FAM107B: variants seen among roughly 807,000 people sequenced by gnomAD.
FAM107B encodes protein FAM107B.
Under a neutral mutation model 31.5 loss-of-function variants are expected in FAM107B, and 21 were observed. That is an observed-to-expected ratio of 0.67 (90% CI 0.47 to 0.96). The LOEUF (loss-of-function observed/expected upper bound fraction) is 0.96, where lower values mean the gene tolerates loss of function less well. Ranked by LOEUF, FAM107B falls within the 40% of genes least tolerant of loss-of-function variation. The probability of loss-of-function intolerance (pLI) is 0.00; values close to 1 mark genes in which losing one functional copy is unlikely to be tolerated. For missense variants in FAM107B, 452 were observed against 377.1 expected (o/e 1.20, Z -1.64); for synonymous variants, 157 against 141.5 (o/e 1.11, Z -0.78).
At chr10:14,759,427 C>G (rs1391433967) in intron 1 of FAM107B, among the ~76,000 whole-genome samples, 1 of 152,182 alleles carries the variant, frequency 6.6e-6, no homozygotes, top group Non-Finnish European at 1.5e-5. Flanking sequence ...ACACCCATTT[C>G]TGGTCTGGTG....
intron 1 of FAM107B, chr10:14,723,653 C>T (rs769843314): frequency 5.4e-6 from 4 of 734,608 alleles, no homozygotes; most frequent in Middle Eastern, 3.7e-4. Flanking sequence ...GATTACTCTG[C>T]GAGAGGCTGG....
At chr10:14,721,327 G>A (rs1335547529) in intron 1 of FAM107B, among the ~76,000 whole-genome samples, 3 of 152,150 alleles carry the variant, frequency 2.0e-5, no homozygotes, top group African/African-American at 7.2e-5. Context: ...TGTCTTTATA[G>A]CAGCATGATT....
chr10:14,751,010 C>T (rs1448691869), intron 1 of FAM107B, among the ~76,000 whole-genome samples: 2 of 152,156 alleles, frequency 1.3e-5, no homozygotes, highest in Non-Finnish European at 2.9e-5. Flanking sequence ...CAATCAGGAG[C>T]AGACCTGCCC....
Position 14,654,177 on chromosome 10 carries a change from A to G in FAM107B, c.469+13457T>C, listed in dbSNP as rs555682947. Among the ~76,000 whole-genome samples, 252 of 152,018 alleles carry G rather than the reference A, an allele frequency of 1.7e-3. 1 individual carries two copies. Among genetic ancestry groups the G allele is most frequent in the African/African-American group, 5.0e-3 (208 of 41,478 alleles). ...TAGTTCTTACAATTTCTCAAGAGAA[A>G]TTGGAACCTAGATTTTTACATGAAA... is the stretch of plus-strand genomic sequence containing the variant. On this transcript the variant is annotated intron_variant, in intron 2 of 4. Coordinates refer to ENST00000181796, the MANE Select transcript of FAM107B (RefSeq NM_031453.4).
At chr10:14,580,882 T>C (rs565656781) in intron 2 of FAM107B, among the ~76,000 whole-genome samples, 1 of 152,334 alleles carries the variant, frequency 6.6e-6, no homozygotes, top group East Asian at 1.9e-4. Flanking sequence ...CCAGAGATCA[T>C]TTCCTTCTGT....
intron 1 of FAM107B, among the ~76,000 whole-genome samples, chr10:14,718,970 T>C (rs1855845889): frequency 2.6e-5 from 4 of 152,164 alleles, no homozygotes. Context: ...GGAAACAAGA[T>C]ACTCAAAGAG....
At chr10:14,606,861 A>G (rs1188668670) in intron 2 of FAM107B, among the ~76,000 whole-genome samples, 3 of 152,258 alleles carry the variant, frequency 2.0e-5, no homozygotes, top group Non-Finnish European at 4.4e-5. Flanking sequence ...TTGGACTTCC[A>G]GCCTTCAGAA....
At chr10:14,588,216 C>T (rs1851905746) in intron 2 of FAM107B, among the ~76,000 whole-genome samples, 1 of 151,890 alleles carries the variant, frequency 6.6e-6, no homozygotes, top group Non-Finnish European at 1.5e-5. Flanking sequence ...TGCGTGCAAG[C>T]TGTTCTGTTT....
rs376731840 is a variant in FAM107B, at chr10:14,774,340, C to G, written c.324G>C (p.Val108=). 5 of 1,614,114 alleles carry G rather than the reference C, an allele frequency of 3.1e-6. No homozygotes were observed. The African/African-American group carries it at 6.7e-5, about 22-fold the overall frequency. Residue 108 remains valine, a synonymous_variant, in exon 1 of 5, where the codon GTG becomes GTC. Transcript: ENST00000181796. The part of the protein sequence containing the change: ...AAQPAETPED[V]PGSLDDGADC... ...CCGCCCCATCATCCAGGGACCCGGGCACATCTTCAGGCGTCTCCGCGGGCT... is the reference window on the plus strand; with the variant it reads ...CCGCCCCATCATCCAGGGACCCGGGGACATCTTCAGGCGTCTCCGCGGGCT...
chr10:14,717,463 T>G (rs2131545326), intron 1 of FAM107B, among the ~76,000 whole-genome samples: 1 of 152,264 alleles, frequency 6.6e-6, no homozygotes. Context: ...AAGCGGACAG[T>G]GCAGCCCTAA....
At chr10:14,673,223 T>C (rs564434675) in intron 1 of FAM107B, among the ~76,000 whole-genome samples, 1 of 152,294 alleles carries the variant, frequency 6.6e-6, no homozygotes, top group African/African-American at 2.4e-5. Context: ...TATAGAACAC[T>C]AGAAACTATT....
intron 1 of FAM107B, among the ~76,000 whole-genome samples, chr10:14,709,765 G>A (rs745496873): frequency 3.3e-5 from 5 of 152,136 alleles, no homozygotes; most frequent in South Asian, 4.1e-4. Flanking sequence ...CAATCAACCC[G>A]TGAAAAGACA....
intron 2 of FAM107B, among the ~76,000 whole-genome samples, chr10:14,566,702 T>C (rs876653): frequency 0.26 from 40,212 of 152,200 alleles, 5,933 homozygotes; most frequent in Middle Eastern, 0.34. Flanking sequence ...AAGTAGAACA[T>C]GCTCTCAAAA....
intron 1 of FAM107B, among the ~76,000 whole-genome samples, chr10:14,668,899 G>A (rs1402314830): frequency 6.6e-6 from 1 of 152,118 alleles, no homozygotes; most frequent in African/African-American, 2.4e-5. Context: ...TGGGTGTAGG[G>A]TTCCATAAAT....
At chr10:14,705,700 C>A (rs1337964398) in intron 1 of FAM107B, among the ~76,000 whole-genome samples, 1 of 151,854 alleles carries the variant, frequency 6.6e-6, no homozygotes, top group South Asian at 2.1e-4. Context: ...TGATGGTTGC[C>A]AAGGGCTAGG....
At chr10:14,730,024 A>AC in intron 1 of FAM107B, among the ~76,000 whole-genome samples, 1 of 152,092 alleles carries the variant, frequency 6.6e-6, no homozygotes, top group East Asian at 1.9e-4. Flanking sequence ...AACATCACAC[A>AC]CTGAGGCCTG....
intron 1 of FAM107B, among the ~76,000 whole-genome samples, chr10:14,688,922 G>A (rs980120155): frequency 6.6e-6 from 1 of 152,230 alleles, no homozygotes; most frequent in Non-Finnish European, 1.5e-5. Context: ...TTTGGGACAA[G>A]GGGTCGATTC....
intron 2 of FAM107B, among the ~76,000 whole-genome samples, chr10:14,662,833 T>C (rs1854282091): frequency 6.6e-6 from 1 of 152,120 alleles, no homozygotes; most frequent in African/African-American, 2.4e-5. Flanking sequence ...CTTGATTGGA[T>C]TGAAGGATGC....
chr10:14,760,150 G>A (rs1446655287), intron 1 of FAM107B, among the ~76,000 whole-genome samples: 1 of 152,154 alleles, frequency 6.6e-6, no homozygotes, highest in African/African-American at 2.4e-5. Flanking sequence ...TTCCCTTGAA[G>A]AAGGAACTGT....
Sources: gnomAD v4.1 joint callset for allele counts (sites outside exome capture counted in the v4.1 genomes callset) on GRCh38, gnomAD v4.1.1 for gene constraint, MANE v1.5 for transcripts, NCBI Gene and HGNC (gene_info 2026-07-23, HGNC 2026-07-21) for gene names.